The following BCLAF1 variants were observed in gnomAD, a reference collection of about 807,000 sequenced individuals.
BCLAF1 encodes bcl-2-associated transcription factor 1.
BCLAF1 carries 10 observed loss-of-function variants against 99.5 expected under a neutral mutation model. The observed-to-expected ratio is 0.10, with a 90% CI of 0.06 to 0.17. The LOEUF (loss-of-function observed/expected upper bound fraction) is 0.17. Ranked by LOEUF, BCLAF1 falls within the 10% of genes least tolerant of loss-of-function variation. BCLAF1 has a pLI of 1.00. For synonymous variants in BCLAF1, 255 were observed against 370.9 expected (o/e 0.69, Z 3.59); for missense variants, 636 against 1,105.8 (o/e 0.58, Z 6.02).
chr6:136,276,867 C>A (rs1477076839), intron 4 of BCLAF1, among the ~76,000 whole-genome samples: 1 of 152,116 alleles, frequency 6.6e-6, no homozygotes, highest in African/African-American at 2.4e-5. Context: ...TGTTAGAATT[C>A]TATTGATAAT....
rs117313833 is a variant in BCLAF1 at position 136,272,754 on chromosome 6, A to T, written c.1958+328T>A. ...GCTTTCGTTCTCTCTCTCTCACCAA[A>T]CATTTATTTCACATTTATTTCACTA... On this transcript the variant is annotated intron_variant, in intron 7 of 12. Coordinates refer to ENST00000531224, the MANE Select transcript of BCLAF1 (RefSeq NM_014739.3). Among the ~76,000 whole-genome samples the T allele has an allele frequency of 3.3e-3, 504 of 151,732 alleles. 12 individuals carry two copies. In the East Asian group the frequency reaches 0.051, roughly 15 times the overall value.
In BCLAF1 at chr6:136,260,771, A is replaced by G; in HGVS notation, c.*339T>C. The G allele has an allele frequency of 2.8e-6, 1 of 359,998 alleles. No homozygotes were observed. Among genetic ancestry groups the G allele is most frequent in the Non-Finnish European group, 5.0e-6 (1 of 202,008 alleles). 22.3% of individuals were successfully genotyped at this position (359,998 alleles called of 1,614,324 possible). A position where few individuals can be genotyped will look rare whatever the true frequency, so the allele number is the denominator to read the frequency against. ...TTACTTCAGAATAAAACATTGACAAACAGGGAAGGAAGAGAATCAGAACTT... is the reference window on the plus strand; with the variant it reads ...TTACTTCAGAATAAAACATTGACAAGCAGGGAAGGAAGAGAATCAGAACTT... On this transcript the variant is annotated 3_prime_UTR_variant, in exon 13 of 13. Coordinates refer to ENST00000531224, the MANE Select transcript of BCLAF1 (RefSeq NM_014739.3).
intron 11 of BCLAF1, among the ~76,000 whole-genome samples, chr6:136,266,753 CTATAA>C (rs1208368109): frequency 1.3e-5 from 2 of 152,164 alleles, no homozygotes; most frequent in Admixed American, 6.5e-5. Context: ...TTAAGCTCAA[CTATAA>C]TATAATGTTT....
At chr6:136,281,519 T>C (rs1342671607) in intron 2 of BCLAF1, among the ~76,000 whole-genome samples, 1 of 152,196 alleles carries the variant, frequency 6.6e-6, no homozygotes, top group Non-Finnish European at 1.5e-5. Context: ...GTAATTTACA[T>C]TCATTCTGAT....
chr6:136,278,823 G>A (rs1783952750), intron 3 of BCLAF1, 47 bp from the exon 4 acceptor site: 1 of 1,429,214 alleles, frequency 7.0e-7, no homozygotes, highest in Non-Finnish European at 9.2e-7. Flanking sequence ...AGTATTCCAT[G>A]CTACCATTCT....
At chr6:136,261,704 G>GTGC (rs1358645291) in intron 11 of BCLAF1, among the ~76,000 whole-genome samples, 2 of 152,084 alleles carry the variant, frequency 1.3e-5, no homozygotes, top group African/African-American at 4.8e-5. Context: ...AGCACTGAAG[G>GTGC]TTACCCAGAC....
intron 1 of BCLAF1, among the ~76,000 whole-genome samples, chr6:136,286,794 C>T (rs1785192336): frequency 6.6e-6 from 1 of 152,174 alleles, no homozygotes; most frequent in Non-Finnish European, 1.5e-5. Context: ...ATGCCAAAAC[C>T]CCGTCTCTAC....
At position 136,282,614 on chromosome 6, in the gene BCLAF1, T is replaced by C. The variant is rs1784525959; in HGVS notation, c.-41A>G. ...TTTTATGCAGGATCAAGAAGTCAAG[T>C]GAAGTCTTTGAGATACTGTAAAAAT... On this transcript the variant is annotated 5_prime_UTR_variant, in exon 2 of 13. Coordinates refer to ENST00000531224, the MANE Select transcript of BCLAF1 (RefSeq NM_014739.3). 6.6e-6 allele frequency: 1 copy of C among 152,150 alleles called. No individual in the cohort carries two copies. The highest frequency in any genetic ancestry group is 6.5e-5 in the Admixed American group (1 of 15,274). 9.4% of individuals were successfully genotyped at this position (152,150 alleles called of 1,614,324 possible).
chr6:136,275,686 A>G lies in BCLAF1; in HGVS notation c.1698T>C (p.Thr566=), dbSNP rs373665936. 3 of 1,583,976 alleles carry G rather than the reference A, an allele frequency of 1.9e-6. No individual in the cohort carries two copies. Among genetic ancestry groups the G allele is most frequent in the South Asian group, 2.4e-5 (2 of 84,900 alleles). The change falls in exon 6 of 13, where the codon ACT becomes ACC. Residue 566 remains threonine (T), a synonymous_variant. Coordinates refer to ENST00000531224, the MANE Select transcript of BCLAF1 (RefSeq NM_014739.3). ...LDDSNRPASL[T]KDRLLASTLV... ...GTGTACTAGCAAGCAGCCTGTCTTT[A>G]GTCAAGGAAGCAGGTCTGGAACATA...
At chr6:136,284,158 A>ATATG (rs1421101274) in intron 1 of BCLAF1, among the ~76,000 whole-genome samples, 1 of 143,990 alleles carries the variant, frequency 6.9e-6, no homozygotes, top group Non-Finnish European at 1.5e-5. Context: ...ATATATATAT[A>ATATG]TCCAGAGAAG....
At chr6:136,284,866 A>C (rs1397938625) in intron 1 of BCLAF1, among the ~76,000 whole-genome samples, 1 of 151,964 alleles carries the variant, frequency 6.6e-6, no homozygotes, top group Non-Finnish European at 1.5e-5. Context: ...CATGCAGAGG[A>C]GGTGGGCAGG....
chr6:136,275,192 A>G (rs1289317048), intron 6 of BCLAF1, among the ~76,000 whole-genome samples: 1 of 152,162 alleles, frequency 6.6e-6, no homozygotes, highest in East Asian at 1.9e-4. Flanking sequence ...GCATGCAATG[A>G]AAGACTATCT....
rs1410482415 is a variant in BCLAF1, at chr6:136,279,771, C to T, written c.96G>A (p.Lys32=). 6 of 1,567,590 alleles carry T rather than the reference C, an allele frequency of 3.8e-6. No individual in the cohort carries two copies. In the South Asian group the frequency reaches 6.2e-5, roughly 16 times the overall value. Residue 32 remains lysine, a synonymous_variant, in exon 3 of 13, where the codon AAG becomes AAA. Coordinates refer to ENST00000531224, the MANE Select transcript of BCLAF1 (RefSeq NM_014739.3). ...RSRSRSHSRK[K]RYSSRSRSRT... Reference sequence around the variant, plus strand: ...AAAGCACATTAAATCACCTGTATCGCTTCTTTCTAGAATGAGATCTTGATC... The same window carrying T: ...AAAGCACATTAAATCACCTGTATCGTTTCTTTCTAGAATGAGATCTTGATC...
At chr6:136,262,998 C>G (rs1458617029) in intron 11 of BCLAF1, among the ~76,000 whole-genome samples, 5 of 152,270 alleles carry the variant, frequency 3.3e-5, no homozygotes, top group African/African-American at 1.2e-4. Context: ...GGCCCAGTGT[C>G]TGACAAGCAA....
intron 1 of BCLAF1, among the ~76,000 whole-genome samples, chr6:136,285,927 G>T (rs375890134): frequency 6.6e-6 from 1 of 151,916 alleles, no homozygotes; most frequent in African/African-American, 2.4e-5. Flanking sequence ...GTGAAACCCC[G>T]TCTCTACTAA....
Position 136,271,258 on chromosome 6 carries a change from C to G in BCLAF1, c.2043+737G>C, listed in dbSNP as rs549843017. ...CAGAATTGGAACCAAGCAGTACTTC[C>G]AAGTCCCCTAATCTCTTCAAAACAG... On this transcript the variant is annotated intron_variant, in intron 8 of 12. Transcript: ENST00000531224. 5.3e-5 allele frequency among the ~76,000 whole-genome samples: 8 copies of G among 151,952 alleles called. No individual in the cohort carries two copies. The South Asian group carries it at 1.7e-3, about 31-fold the overall frequency.
At position 136,260,616 on chromosome 6, in the gene BCLAF1, G is replaced by A. The variant is rs1295370381; in HGVS notation, c.*494C>T. On this transcript the variant is annotated 3_prime_UTR_variant, in exon 13 of 13. Coordinates refer to ENST00000531224, the MANE Select transcript of BCLAF1 (RefSeq NM_014739.3). ...TTACCATAGTAACAACTTTTTGTCTGTGGTATACTTCAAAAATCAGTCACC... is the reference window on the plus strand; with the variant it reads ...TTACCATAGTAACAACTTTTTGTCTATGGTATACTTCAAAAATCAGTCACC... The A allele has an allele frequency of 3.8e-5, 6 of 157,126 alleles. No homozygotes were observed. The highest frequency in any genetic ancestry group is 1.4e-4 in the African/African-American group (6 of 41,532). The allele number at this position is 157,126 out of a possible 1,614,324, so 9.7% of individuals were successfully genotyped here.
intron 11 of BCLAF1, 37 bp downstream of exon 11, chr6:136,266,992 A>G (rs1272251432): frequency 1.2e-6 from 2 of 1,608,696 alleles, no homozygotes; most frequent in South Asian, 2.2e-5. Flanking sequence ...TTCGAAAATT[A>G]ATGCAAACCA....
intron 2 of BCLAF1, among the ~76,000 whole-genome samples, chr6:136,281,011 C>T (rs748607170): frequency 2.2e-4 from 34 of 151,910 alleles, no homozygotes; most frequent in East Asian, 5.8e-4. Flanking sequence ...AGACTTTGTT[C>T]GGTATAATAA....
Sources: gnomAD v4.1 joint callset for allele counts (sites outside exome capture counted in the v4.1 genomes callset) on GRCh38, gnomAD v4.1.1 for gene constraint, MANE v1.5 for transcripts, NCBI Gene and HGNC (gene_info 2026-07-23, HGNC 2026-07-21) for gene names.